The following FNIP1 variants were observed in gnomAD, a reference collection of about 807,000 sequenced individuals.
The protein encoded by FNIP1 is folliculin interacting protein 1.
FNIP1 carries 40 observed loss-of-function variants against 124.5 expected under a neutral mutation model. The observed-to-expected ratio is 0.32, with a 90% CI of 0.25 to 0.42. The LOEUF (loss-of-function observed/expected upper bound fraction) is 0.42. Ranked by LOEUF, FNIP1 falls within the 10% of genes least tolerant of loss-of-function variation. FNIP1 has a pLI of 1.00. For synonymous variants in FNIP1, 472 were observed against 470.6 expected (o/e 1.00, Z -0.04); for missense variants, 1,176 against 1,403.7 (o/e 0.84, Z 2.59).
At chr5:131,713,864 T>C (rs1769381656) in intron 6 of FNIP1, among the ~76,000 whole-genome samples, 1 of 152,234 alleles carries the variant, frequency 6.6e-6, no homozygotes, top group Non-Finnish European at 1.5e-5. Flanking sequence ...TATCTGTCAT[T>C]TGGAGTAACA....
chr5:131,750,681 C>T (rs1168718961), intron 1 of FNIP1, among the ~76,000 whole-genome samples: 1 of 150,964 alleles, frequency 6.6e-6, no homozygotes, highest in Non-Finnish European at 1.5e-5. Flanking sequence ...AGCATGATCT[C>T]GGCTCACTGC....
chr5:131,683,911 C>T (rs540160287), intron 11 of FNIP1, among the ~76,000 whole-genome samples: 1 of 152,264 alleles, frequency 6.6e-6, no homozygotes, highest in Middle Eastern at 3.4e-3. Context: ...CAATACATAA[C>T]CTTGATGTGC....
chr5:131,701,222 C>T (rs1768891826), intron 10 of FNIP1, among the ~76,000 whole-genome samples: 1 of 152,172 alleles, frequency 6.6e-6, no homozygotes, highest in Non-Finnish European at 1.5e-5. Flanking sequence ...CAACTCCCCA[C>T]CTCCCCAGCC....
intron 1 of FNIP1, among the ~76,000 whole-genome samples, chr5:131,762,479 A>C (rs1223708567): frequency 6.6e-6 from 1 of 152,190 alleles, no homozygotes; most frequent in Non-Finnish European, 1.5e-5. Flanking sequence ...TACAGATGGC[A>C]AACAGGTATA....
chr5:131,791,777 A>G (rs1030648233), intron 1 of FNIP1, among the ~76,000 whole-genome samples: 3 of 152,232 alleles, frequency 2.0e-5, no homozygotes, highest in African/African-American at 7.2e-5. Flanking sequence ...GATGACACCA[A>G]ATTGGAATAT....
intron 1 of FNIP1, among the ~76,000 whole-genome samples, chr5:131,779,895 AT>A (rs1399659659): frequency 2.0e-5 from 3 of 151,628 alleles, no homozygotes; most frequent in Non-Finnish European, 2.9e-5. Flanking sequence ...TTTGTTAGAA[AT>A]TTTTTTTAAT....
At chr5:131,777,137 CATATAT>C in intron 1 of FNIP1, among the ~76,000 whole-genome samples, 1 of 150,122 alleles carries the variant, frequency 6.7e-6, no homozygotes, top group East Asian at 1.9e-4. Flanking sequence ...AGCTACTATA[CATATAT>C]ATATATATGT....
intron 11 of FNIP1, among the ~76,000 whole-genome samples, 198 bp from the exon 12 acceptor site, chr5:131,679,373 G>A (rs1768005917): frequency 6.6e-6 from 1 of 152,098 alleles, no homozygotes; most frequent in Non-Finnish European, 1.5e-5. Context: ...TGTTGGTTCT[G>A]GTGTTGGCTC....
intron 1 of FNIP1, among the ~76,000 whole-genome samples, chr5:131,788,165 C>T (rs1486102731): frequency 1.3e-5 from 2 of 152,066 alleles, no homozygotes; most frequent in African/African-American, 4.8e-5. Context: ...GCAAATATGG[C>T]AATCAAAGAC....
intron 10 of FNIP1, among the ~76,000 whole-genome samples, chr5:131,702,457 A>G (rs1208629582): frequency 6.6e-6 from 1 of 152,112 alleles, no homozygotes; most frequent in Non-Finnish European, 1.5e-5. Context: ...TACCAAGTAA[A>G]AGCACAATAT....
At chr5:131,701,089 A>C (rs1401500064) in intron 10 of FNIP1, among the ~76,000 whole-genome samples, 1 of 152,114 alleles carries the variant, frequency 6.6e-6, no homozygotes. Context: ...CCTGAGCGCT[A>C]CCTCCTGTCA....
At position 131,743,888 on chromosome 5, in the gene FNIP1, C is replaced by G. The variant is rs556221612; in HGVS notation, c.219+676G>C. On this transcript the variant is annotated intron_variant, in intron 2 of 17. Coordinates refer to ENST00000510461, the MANE Select transcript of FNIP1 (RefSeq NM_133372.3). ...GTAGCCTGAACTAGACAAACACAAA[C>G]CTGAAGGAAAAAGTAAAGAAAAATT... Among the ~76,000 whole-genome samples the G allele has an allele frequency of 5.3e-5, 8 of 152,028 alleles. No homozygotes were observed. In the East Asian group the frequency reaches 1.6e-3, roughly 29 times the overall value.
Position 131,651,842 on chromosome 5 carries a change from G to T in FNIP1, c.3266C>A (p.Ser1089Tyr). ...VSSLVSNLLH[S>Y]TLQLYKHNLS... ...GTTATGCTTATAAAGCTGAAGTGTGGAATGAAGCAGATTGGAAACAAGACT... is the reference window on the plus strand; with the variant it reads ...GTTATGCTTATAAAGCTGAAGTGTGTAATGAAGCAGATTGGAAACAAGACT... The change falls in exon 16 of 18, where the codon TCC (serine) becomes TAC (tyrosine). Residue 1089 changes from serine to tyrosine, a missense_variant. Physicochemically the swap from Ser to Tyr is moderately radical, Grantham distance 144. Around this residue, in one of 2 missense-constraint regions of FNIP1, gnomAD observed 67 missense variants for 115.2 expected, o/e 0.58. Transcript: ENST00000510461. 6.2e-7 allele frequency: 1 copy of T among 1,614,110 alleles called. No individual in the cohort carries two copies. The highest frequency in any genetic ancestry group is 8.5e-7 in the Non-Finnish European group (1 of 1,180,018).
In FNIP1 at chr5:131,642,933, A is replaced by T. The variant is rs1207098798; in HGVS notation, c.*1752T>A. On this transcript the variant is annotated 3_prime_UTR_variant, in exon 18 of 18. Transcript: ENST00000510461. ...ATGTATGAACTTTTTAATATTCTGA[A>T]TTCTGCCAAAAAGATTGACTCATAG... is the stretch of plus-strand genomic sequence containing the variant. 1.3e-5 allele frequency: 2 copies of T among 151,868 alleles called. No individual in the cohort carries two copies. Among genetic ancestry groups the T allele is most frequent in the Non-Finnish European group, 2.9e-5 (2 of 67,932 alleles). The allele number at this position is 151,868 out of a possible 1,614,324, so 9.4% of individuals were successfully genotyped here.
At chr5:131,705,004 C>A (rs565105596) in intron 9 of FNIP1, among the ~76,000 whole-genome samples, 1 of 151,934 alleles carries the variant, frequency 6.6e-6, no homozygotes, top group African/African-American at 2.4e-5. Context: ...AGGCATCCCA[C>A]AGAATGTAAA....
Position 131,721,075 on chromosome 5 carries a change from A to G in FNIP1, c.355-1658T>C, listed in dbSNP as rs542571492. 3.9e-5 allele frequency among the ~76,000 whole-genome samples: 6 copies of G among 152,348 alleles called. No homozygotes were observed. In the East Asian group the frequency reaches 1.2e-3, roughly 29 times the overall value. ...TCACAATAGCCAAGATGTGAAAATA[A>G]CCCTAAATGTCCACTGACAGATGCA... is the stretch of plus-strand genomic sequence containing the variant. On this transcript the variant is annotated intron_variant, in intron 3 of 17. Coordinates refer to ENST00000510461, the MANE Select transcript of FNIP1 (RefSeq NM_133372.3).
At chr5:131,653,350 C>T (rs570074889) in intron 15 of FNIP1, among the ~76,000 whole-genome samples, 1 of 152,104 alleles carries the variant, frequency 6.6e-6, no homozygotes, top group East Asian at 1.9e-4. Context: ...CCAACCTGGC[C>T]AATATGGTGA....
At chr5:131,714,971 CTGAT>C (rs1414298767) in intron 6 of FNIP1, among the ~76,000 whole-genome samples, 1 of 152,074 alleles carries the variant, frequency 6.6e-6, no homozygotes, top group African/African-American at 2.4e-5. Flanking sequence ...GATTGATTGA[CTGAT>C]TGATTGGAAA....
chr5:131,688,603 AT>A (rs1308731345), intron 11 of FNIP1, among the ~76,000 whole-genome samples: 1 of 150,982 alleles, frequency 6.6e-6, no homozygotes, highest in Non-Finnish European at 1.5e-5. Context: ...ATATATGATT[AT>A]TGTTGCTCTG....
Sources: gnomAD v4.1 joint callset for allele counts (sites outside exome capture counted in the v4.1 genomes callset) on GRCh38, gnomAD v4.1.1 for gene constraint, gnomAD v4.1.1 regional missense constraint, MANE v1.5 for transcripts, NCBI Gene and HGNC (gene_info 2026-07-23, HGNC 2026-07-21) for gene names.